The following NT5C2 variants were observed in gnomAD, a reference collection of about 807,000 sequenced individuals.
NT5C2 encodes 5'-nucleotidase, cytosolic II.
NT5C2 carries 58 observed loss-of-function variants against 76.1 expected under a neutral mutation model. The ratio of observed to expected loss-of-function variants is 0.76; its 90% confidence interval spans 0.62 to 0.95. The LOEUF is 0.95. NT5C2 is among the 40% of genes least tolerant of loss of function. The probability of loss-of-function intolerance (pLI) is 0.00; values close to 1 mark genes in which losing one functional copy is unlikely to be tolerated. For missense variants in NT5C2, 478 were observed against 690.3 expected, an observed-to-expected ratio of 0.69 and a Z score of 3.45; for synonymous variants, 229 against 237.4, an observed-to-expected ratio of 0.96 and a Z score of 0.32.
intron 15 of NT5C2, 79 bp downstream of exon 15, chr10:103,093,060 G>C (rs1258009379): frequency 6.2e-5 from 79 of 1,273,284 alleles, no homozygotes; most frequent in South Asian, 2.5e-4. Flanking sequence ...TGAATACAAA[G>C]TAATGGTTTA....
chr10:103,122,553 C>A (rs1004139191), intron 4 of NT5C2, among the ~76,000 whole-genome samples: 2 of 152,162 alleles, frequency 1.3e-5, no homozygotes, highest in Admixed American at 6.5e-5. Context: ...TTGCTAGTTA[C>A]TGATAGGATT....
In NT5C2 at chr10:103,183,289, A is replaced by ATTT. The variant is rs1311108092; in HGVS notation, c.-168-1962_-168-1961insAAA. ...TATATATATATATATATATATATAT[A>ATTT]TATATCACACACTCCTTCCCTCCCC... On this transcript the variant is annotated intron_variant, in intron 1 of 18. Coordinates refer to ENST00000404739, the MANE Select transcript of NT5C2 (RefSeq NM_001351169.2). Among the ~76,000 whole-genome samples the ATTT allele has an allele frequency of 5.7e-3, 662 of 115,248 alleles. 4 individuals are homozygous for ATTT. Among genetic ancestry groups the ATTT allele is most frequent in the East Asian group, 0.021 (56 of 2,630 alleles). 75.6% of individuals were successfully genotyped at this position (115,248 alleles called of 152,430 possible). A position where few individuals can be genotyped will look rare whatever the true frequency, so the allele number is the denominator to read the frequency against.
intron 1 of NT5C2, among the ~76,000 whole-genome samples, chr10:103,189,997 CTTTTTT>C (rs1239145078): frequency 7.4e-5 from 8 of 108,046 alleles, no homozygotes; most frequent in African/African-American, 1.1e-4. Context: ...TTGTGGCTTT[CTTTTTT>C]TTTTTTTTTT....
Position 103,101,115 on chromosome 10 carries a change from G to A in NT5C2, c.482-13C>T. ...AACAGGTAGGTCTCTGAAAAATGAA[G>A]AACAGATATTCATAAGCTATAATGA... On this transcript the variant is annotated splice_polypyrimidine_tract_variant and intron_variant, in intron 7 of 18. Coordinates refer to ENST00000404739, the MANE Select transcript of NT5C2 (RefSeq NM_001351169.2). The A allele has an allele frequency of 6.3e-7, 1 of 1,581,356 alleles. No individual in the cohort carries two copies. The highest frequency in any genetic ancestry group is 8.7e-7 in the Non-Finnish European group (1 of 1,150,840).
At chr10:103,160,901 T>C (rs2084689766) in intron 3 of NT5C2, among the ~76,000 whole-genome samples, 1 of 151,976 alleles carries the variant, frequency 6.6e-6, no homozygotes, top group South Asian at 2.1e-4. Flanking sequence ...TCCCAGCTAC[T>C]TGGAAGGCTG....
At chr10:103,091,506 C>A in intron 16 of NT5C2, 58 bp downstream of exon 16, 1 of 1,323,098 alleles carries the variant, frequency 7.6e-7, no homozygotes. Flanking sequence ...AAGAACATTT[C>A]TTATATCTAA....
intron 3 of NT5C2, among the ~76,000 whole-genome samples, chr10:103,147,849 T>C (rs989098442): frequency 1.3e-5 from 2 of 152,172 alleles, no homozygotes; most frequent in Non-Finnish European, 2.9e-5. Context: ...CGCTAATGGG[T>C]ACAGGGTTTC....
intron 4 of NT5C2, among the ~76,000 whole-genome samples, chr10:103,131,925 A>G (rs1390264914): frequency 2.0e-5 from 3 of 152,018 alleles, no homozygotes; most frequent in African/African-American, 7.3e-5. Context: ...CTGTCTCAAA[A>G]GAGAAAAAAA....
chr10:103,189,929 C>G (rs2135529258), intron 1 of NT5C2, among the ~76,000 whole-genome samples: 1 of 148,750 alleles, frequency 6.7e-6, no homozygotes, highest in East Asian at 2.1e-4. Context: ...CTCGACCTCC[C>G]AAAGTGCTGG....
In NT5C2 at chr10:103,129,646, C is replaced by T. The variant is rs2077617891; in HGVS notation, c.175+9760G>A. The stretch of plus-strand genomic sequence containing the variant: ...GTGGGGGGGGGTCAGCCCCCCCGCC[C>T]GGCCAGCCGCCCTGTCCGGGAGGTG... On this transcript the variant is annotated intron_variant, in intron 4 of 18. Coordinates refer to ENST00000404739, the MANE Select transcript of NT5C2 (RefSeq NM_001351169.2). 3.2e-5 allele frequency among the ~76,000 whole-genome samples: 3 copies of T among 93,580 alleles called. 1 individual carries two copies. The highest frequency in any genetic ancestry group is 1.3e-4 in the African/African-American group (3 of 23,304). The allele number at this position is 93,580 out of a possible 152,430, so 61.4% of individuals were successfully genotyped here. A position where few individuals can be genotyped will look rare whatever the true frequency, so the allele number is the denominator to read the frequency against.
At chr10:103,114,017 ACT>A (rs1193602691) in intron 4 of NT5C2, among the ~76,000 whole-genome samples, 2 of 152,218 alleles carry the variant, frequency 1.3e-5, no homozygotes, top group African/African-American at 4.8e-5. Flanking sequence ...GGAAGTGGCT[ACT>A]CAAGTGTAGC....
intron 12 of NT5C2, among the ~76,000 whole-genome samples, chr10:103,095,623 T>G (rs2067988187): frequency 6.6e-6 from 1 of 152,234 alleles, no homozygotes; most frequent in South Asian, 2.1e-4. Context: ...TTCCTTTCAT[T>G]GCCACACAAA....
chr10:103,113,003 C>G (rs1282099466), intron 4 of NT5C2, among the ~76,000 whole-genome samples: 1 of 151,998 alleles, frequency 6.6e-6, no homozygotes, highest in Admixed American at 6.6e-5. Context: ...TAGACACAGG[C>G]AAAAATCCTA....
intron 4 of NT5C2, among the ~76,000 whole-genome samples, chr10:103,137,989 G>A (rs1297695060): frequency 6.6e-6 from 1 of 151,948 alleles, no homozygotes; most frequent in Non-Finnish European, 1.5e-5. Flanking sequence ...AAAAGGATGT[G>A]GAAACTTAAA....
chr10:103,091,698 C>T (rs1451317576), intron 15 of NT5C2, 83 bp from the exon 16 acceptor site: 2 of 1,144,294 alleles, frequency 1.7e-6, no homozygotes, highest in Non-Finnish European at 2.6e-6. Context: ...TAAAAGGTTG[C>T]AGATGTGACT....
chr10:103,103,668 C>A (rs1215442896), intron 6 of NT5C2, among the ~76,000 whole-genome samples: 6 of 152,010 alleles, frequency 3.9e-5, no homozygotes, highest in Middle Eastern at 3.2e-3. Flanking sequence ...ACAGTTACAG[C>A]ACAGATTACT....
chr10:103,088,329 C>T lies in NT5C2; in HGVS notation c.*1343G>A, dbSNP rs934333576. On this transcript the variant is annotated 3_prime_UTR_variant, in exon 19 of 19. Coordinates refer to ENST00000404739, the MANE Select transcript of NT5C2 (RefSeq NM_001351169.2). ...TGGTGAAACAGTTTTAATACCCTAA[C>T]ATACACAGTAATGATTCATTCTTGT... is the stretch of plus-strand genomic sequence containing the variant. 6.6e-6 allele frequency: 1 copy of T among 152,236 alleles called. No homozygotes were observed. The highest frequency in any genetic ancestry group is 1.5e-5 in the Non-Finnish European group (1 of 68,038). 9.4% of individuals were successfully genotyped at this position (152,236 alleles called of 1,614,324 possible).
intron 3 of NT5C2, among the ~76,000 whole-genome samples, chr10:103,141,789 A>C (rs905722446): frequency 5.3e-5 from 8 of 152,246 alleles, no homozygotes; most frequent in Admixed American, 5.2e-4. Context: ...GTGATTGAAC[A>C]AAAGACTGTA....
intron 4 of NT5C2, among the ~76,000 whole-genome samples, chr10:103,119,745 C>A (rs925839422): frequency 1.3e-5 from 2 of 152,076 alleles, no homozygotes; most frequent in Non-Finnish European, 2.9e-5. Context: ...AGAGTTTCAT[C>A]GTTCTTTAAG....
Sources: allele counts gnomAD v4.1 joint callset (sites outside exome capture counted in the v4.1 genomes callset), GRCh38; gene constraint gnomAD v4.1.1; transcripts MANE v1.5; gene names NCBI Gene and HGNC (gene_info 2026-07-23, HGNC 2026-07-21).